Variants in RHOJ observed in about 807,000 individuals in gnomAD.
RHOJ encodes the protein ras homolog family member J, also known as rho-related GTP-binding protein RhoJ.
A neutral mutation model predicts 23.4 loss-of-function variants in RHOJ; 11 were observed. That is an observed-to-expected ratio of 0.47 (90% CI 0.30 to 0.78). RHOJ has a LOEUF of 0.78. RHOJ is among the 30% of genes least tolerant of loss of function. The pLI is 0.08. For synonymous variants in RHOJ, 102 were observed against 102.7 expected (o/e 0.99, Z 0.04); for missense variants, 254 against 273.4 (o/e 0.93, Z 0.50).
chr14:63,209,157 C>G (rs1447563121), intron 1 of RHOJ, among the ~76,000 whole-genome samples: 1 of 152,086 alleles, frequency 6.6e-6, no homozygotes, highest in East Asian at 1.9e-4. Flanking sequence ...AAGCCACCAT[C>G]ATCTCTCATC....
chr14:63,256,637 C>T (rs766468415), intron 1 of RHOJ, among the ~76,000 whole-genome samples: 2 of 152,160 alleles, frequency 1.3e-5, no homozygotes, highest in Non-Finnish European at 2.9e-5. Flanking sequence ...ATAGGCTGGA[C>T]CGAAGTGACA....
intron 1 of RHOJ, among the ~76,000 whole-genome samples, chr14:63,258,360 T>C (rs916817899): frequency 5.9e-5 from 9 of 152,084 alleles, no homozygotes; most frequent in African/African-American, 1.9e-4. Flanking sequence ...TGTCATACTT[T>C]ACGCAGCTGA....
At chr14:63,214,964 T>C (rs1423912657) in intron 1 of RHOJ, among the ~76,000 whole-genome samples, 1 of 151,988 alleles carries the variant, frequency 6.6e-6, no homozygotes, top group Non-Finnish European at 1.5e-5. Context: ...AACAAAGGAA[T>C]CTTAAAAAAA....
chr14:63,277,140 G>C (rs1328550732), intron 2 of RHOJ, among the ~76,000 whole-genome samples: 1 of 152,152 alleles, frequency 6.6e-6, no homozygotes, highest in Non-Finnish European at 1.5e-5. Context: ...CTGGATTTAG[G>C]CTAAATACCC....
chr14:63,280,885 TG>T, intron 2 of RHOJ, 85 bp from the exon 3 acceptor site: 1 of 1,316,990 alleles, frequency 7.6e-7, no homozygotes, highest in Non-Finnish European at 1.0e-6. Flanking sequence ...TGCGCTGTAG[TG>T]GACTCTTACC....
chr14:63,232,818 TC>T (rs1005536366), intron 1 of RHOJ, among the ~76,000 whole-genome samples: 4 of 147,454 alleles, frequency 2.7e-5, no homozygotes, highest in African/African-American at 1.0e-4. Context: ...CAACTCAGCC[TC>T]CCAAGTAGCT....
intron 1 of RHOJ, among the ~76,000 whole-genome samples, chr14:63,245,111 CA>C (rs1894953476): frequency 6.6e-6 from 1 of 152,216 alleles, no homozygotes; most frequent in Non-Finnish European, 1.5e-5. Context: ...CCCTCATCCT[CA>C]ATCATATATT....
At chr14:63,234,174 G>A (rs914735462) in intron 1 of RHOJ, among the ~76,000 whole-genome samples, 1 of 152,146 alleles carries the variant, frequency 6.6e-6, no homozygotes, top group Non-Finnish European at 1.5e-5. Flanking sequence ...GTTCTACTGG[G>A]TGATTCCCAT....
chr14:63,275,781 A>G (rs2008762), intron 2 of RHOJ, among the ~76,000 whole-genome samples: 14,515 of 152,026 alleles, frequency 0.095, 922 homozygotes, highest in East Asian at 0.2. Context: ...CAACTAAACC[A>G]CTTATCCACT....
At chr14:63,234,668 A>G (rs1894756471) in intron 1 of RHOJ, among the ~76,000 whole-genome samples, 1 of 149,860 alleles carries the variant, frequency 6.7e-6, no homozygotes, top group Non-Finnish European at 1.5e-5. Flanking sequence ...AACATGAAAG[A>G]GTTTAAAACA....
chr14:63,251,884 G>A (rs1260304631), intron 1 of RHOJ, among the ~76,000 whole-genome samples: 2 of 152,068 alleles, frequency 1.3e-5, no homozygotes, highest in East Asian at 3.8e-4. Flanking sequence ...ACTTTGGGAG[G>A]CCGAGGCAGG....
At chr14:63,256,377 G>A (rs191240110) in intron 1 of RHOJ, among the ~76,000 whole-genome samples, 5 of 152,298 alleles carry the variant, frequency 3.3e-5, no homozygotes, top group Admixed American at 1.3e-4. Context: ...TGTCCTTTAA[G>A]CAAGAGCTTG....
In RHOJ at chr14:63,283,116, G is replaced by C. The variant is rs1251257441; in HGVS notation, c.403-5G>C. The C allele has an allele frequency of 2.5e-6, 4 of 1,611,402 alleles. No individual in the cohort carries two copies. Among genetic ancestry groups the C allele is most frequent in the Non-Finnish European group, 3.4e-6 (4 of 1,177,642 alleles). On this transcript the variant is annotated splice_region_variant and splice_polypyrimidine_tract_variant and intron_variant, in intron 3 of 4. Coordinates refer to ENST00000316754, the MANE Select transcript of RHOJ (RefSeq NM_020663.5). Reference sequence around the variant, plus strand: ...AATAAGTTTTCACGTGTGTTTTCTTGCCAGATTGATCTCCGTGATGACCCA... The same window carrying C: ...AATAAGTTTTCACGTGTGTTTTCTTCCCAGATTGATCTCCGTGATGACCCA...
chr14:63,291,927 T>TA lies in RHOJ; in HGVS notation c.*906dup, dbSNP rs983962941. On this transcript the variant is annotated 3_prime_UTR_variant, in exon 5 of 5. Transcript: ENST00000316754. ...ATCTTTTACAGTATTTTGTATTCAG[T>TA]AAAGTGGACATTCCTGCTCCTCCCT... 6 of 152,330 alleles carry TA rather than the reference T, an allele frequency of 3.9e-5. No individual in the cohort carries two copies. Among genetic ancestry groups the TA allele is most frequent in the African/African-American group, 1.2e-4 (5 of 41,446 alleles). The allele number at this position is 152,330 out of a possible 1,614,324, so 9.4% of individuals were successfully genotyped here.
chr14:63,269,816 A>ACC (rs1895434033), intron 2 of RHOJ, among the ~76,000 whole-genome samples: 1 of 152,194 alleles, frequency 6.6e-6, no homozygotes, highest in Admixed American at 6.5e-5. Flanking sequence ...ACGGGCTAAA[A>ACC]CCCTCAACAA....
intron 1 of RHOJ, among the ~76,000 whole-genome samples, chr14:63,214,496 G>A (rs1383950128): frequency 6.6e-6 from 1 of 152,164 alleles, no homozygotes; most frequent in Admixed American, 6.5e-5. Flanking sequence ...TCTTGACTTG[G>A]GAGTTTCCAG....
intron 1 of RHOJ, among the ~76,000 whole-genome samples, chr14:63,234,669 G>A (rs192848397): frequency 1.3e-5 from 2 of 149,752 alleles, no homozygotes; most frequent in Non-Finnish European, 3.0e-5. Flanking sequence ...ACATGAAAGA[G>A]TTTAAAACAG....
intron 2 of RHOJ, among the ~76,000 whole-genome samples, chr14:63,276,127 G>T (rs1401270451): frequency 6.6e-6 from 1 of 152,162 alleles, no homozygotes; most frequent in African/African-American, 2.4e-5. Flanking sequence ...CTGTGGTTCT[G>T]AAACTTGAGC....
At chr14:63,223,792 C>A (rs1894541929) in intron 1 of RHOJ, among the ~76,000 whole-genome samples, 1 of 152,122 alleles carries the variant, frequency 6.6e-6, no homozygotes, top group African/African-American at 2.4e-5. Context: ...GGTTCAACCT[C>A]ATCGTTAAAA....
Sources: gnomAD v4.1 joint callset for allele counts (sites outside exome capture counted in the v4.1 genomes callset) on GRCh38, gnomAD v4.1.1 for gene constraint, MANE v1.5 for transcripts, NCBI Gene and HGNC (gene_info 2026-07-23, HGNC 2026-07-21) for gene names.